Variants in SLC25A12 observed in about 807,000 individuals in gnomAD.
SLC25A12 encodes electrogenic aspartate/glutamate antiporter SLC25A12, mitochondrial.
SLC25A12 carries 32 observed loss-of-function variants against 83.3 expected under a neutral mutation model. The ratio of observed to expected loss-of-function variants is 0.38; its 90% CI spans 0.29 to 0.52. The LOEUF (loss-of-function observed/expected upper bound fraction) is 0.52. Among genes scored for constraint, SLC25A12 ranks in the 20% least tolerant of loss-of-function variants. SLC25A12 has a pLI of 0.84. For synonymous variants in SLC25A12, 267 were observed against 291.1 expected (o/e 0.92, Z 0.84); for missense variants, 611 against 835.6 (o/e 0.73, Z 3.31).
intron 5 of SLC25A12, 96 bp downstream of exon 5, chr2:171,844,273 G>A (rs1684746065): frequency 1.6e-5 from 22 of 1,339,390 alleles, no homozygotes; most frequent in Non-Finnish European, 2.1e-5. Flanking sequence ...GAAATACCAT[G>A]GAGAACTTCT....
intron 15 of SLC25A12, 96 bp downstream of exon 15, chr2:171,791,355 T>C: frequency 9.3e-7 from 1 of 1,080,606 alleles, no homozygotes; most frequent in South Asian, 1.3e-5. Flanking sequence ...GTACAAACAA[T>C]AATACTTCCA....
At chr2:171,791,024 A>T (rs953397755) in intron 15 of SLC25A12, among the ~76,000 whole-genome samples, 1 of 152,160 alleles carries the variant, frequency 6.6e-6, no homozygotes, top group Admixed American at 6.5e-5. Context: ...CGGCCAAATC[A>T]TGTAGATTCC....
chr2:171,841,126 C>G (rs1558927264), intron 5 of SLC25A12, among the ~76,000 whole-genome samples: 1 of 152,234 alleles, frequency 6.6e-6, no homozygotes. Flanking sequence ...GTCGCCCAGG[C>G]TGGAGTGCAG....
intron 2 of SLC25A12, among the ~76,000 whole-genome samples, chr2:171,874,469 G>C (rs1341429204): frequency 6.6e-6 from 1 of 152,208 alleles, no homozygotes; most frequent in African/African-American, 2.4e-5. Flanking sequence ...ACAACTGCTT[G>C]TGTTGCTTCT....
At chr2:171,860,689 G>A (rs1226487990) in intron 3 of SLC25A12, among the ~76,000 whole-genome samples, 1 of 151,936 alleles carries the variant, frequency 6.6e-6, no homozygotes, top group Non-Finnish European at 1.5e-5. Flanking sequence ...CTATATCAAT[G>A]GCTGCACTTT....
At chr2:171,851,508 A>G (rs959602714) in intron 4 of SLC25A12, among the ~76,000 whole-genome samples, 1 of 144,824 alleles carries the variant, frequency 6.9e-6, no homozygotes. Flanking sequence ...AAAAAAAAAA[A>G]AAGGATTAAA....
chr2:171,844,307 T>C lies in SLC25A12; in HGVS notation c.465+62A>G, dbSNP rs530384431. On this transcript the variant is annotated intron_variant, in intron 5 of 17. Coordinates refer to ENST00000422440, the MANE Select transcript of SLC25A12 (RefSeq NM_003705.5). ...CTATTTTTGTAATAAACTTAATAAA[T>C]ACAAAGCGAAGGACACAGAAGAATA... 23 of 1,543,494 alleles carry C rather than the reference T, an allele frequency of 1.5e-5. No homozygotes were observed. The East Asian group carries it at 3.4e-4, about 23-fold the overall frequency.
intron 5 of SLC25A12, among the ~76,000 whole-genome samples, chr2:171,840,340 C>T: frequency 6.6e-6 from 1 of 151,662 alleles, no homozygotes. Context: ...GAGCCATGAT[C>T]CTGTCACTGC....
chr2:171,796,919 G>T (rs1186775811), intron 13 of SLC25A12, among the ~76,000 whole-genome samples: 4 of 152,152 alleles, frequency 2.6e-5, no homozygotes, highest in Admixed American at 2.6e-4. Flanking sequence ...GGATAGGGAA[G>T]GGGGAGTAAA....
chr2:171,840,972 C>G (rs981902984), intron 5 of SLC25A12, among the ~76,000 whole-genome samples: 1 of 152,168 alleles, frequency 6.6e-6, no homozygotes, highest in Non-Finnish European at 1.5e-5. Flanking sequence ...AACTAGAAAA[C>G]AAAAGAGCAA....
At chr2:171,811,977 A>G (rs2105861306) in intron 11 of SLC25A12, among the ~76,000 whole-genome samples, 1 of 152,330 alleles carries the variant, frequency 6.6e-6, no homozygotes, top group South Asian at 2.1e-4. Flanking sequence ...CATTAAATAA[A>G]ATCTGGATAT....
chr2:171,800,913 A>G (rs1403337847), intron 13 of SLC25A12, among the ~76,000 whole-genome samples: 2 of 152,208 alleles, frequency 1.3e-5, no homozygotes, highest in Non-Finnish European at 2.9e-5. Flanking sequence ...AACTTCAGAC[A>G]GAAATCAGAA....
At chr2:171,891,073 G>T (rs1685923919) in intron 2 of SLC25A12, among the ~76,000 whole-genome samples, 3 of 152,228 alleles carry the variant, frequency 2.0e-5, no homozygotes, top group Admixed American at 1.3e-4. Flanking sequence ...TTGGGAGGCT[G>T]AGGCACACAG....
At chr2:171,802,814 A>C (rs914660472) in intron 13 of SLC25A12, among the ~76,000 whole-genome samples, 5 of 152,248 alleles carry the variant, frequency 3.3e-5, no homozygotes, top group Middle Eastern at 3.4e-3. Context: ...GAAAATGCAC[A>C]ATCTGTTTAT....
At chr2:171,845,870 C>G (rs1304864925) in intron 4 of SLC25A12, 1 of 452,920 alleles carries the variant, frequency 2.2e-6, no homozygotes, top group Admixed American at 2.4e-5. Flanking sequence ...TAAGTAGGGA[C>G]AAATACTTCA....
At chr2:171,789,605 C>T (rs1053607423) in intron 15 of SLC25A12, among the ~76,000 whole-genome samples, 82 of 152,246 alleles carry the variant, frequency 5.4e-4, no homozygotes, top group African/African-American at 1.9e-3. Flanking sequence ...TGCACCAACA[C>T]TCCGAAAAGA....
intron 13 of SLC25A12, among the ~76,000 whole-genome samples, chr2:171,803,311 C>A (rs1465890838): frequency 9.2e-5 from 14 of 151,874 alleles, no homozygotes. Flanking sequence ...ACACCAAAAG[C>A]ACAAACAACA....
chr2:171,885,435 T>C (rs911122962), intron 2 of SLC25A12, among the ~76,000 whole-genome samples: 1 of 151,632 alleles, frequency 6.6e-6, no homozygotes, highest in Non-Finnish European at 1.5e-5. Context: ...ATCCCAACAC[T>C]TTGGGAGGCT....
chr2:171,843,342 A>G (rs1399928318), intron 5 of SLC25A12, among the ~76,000 whole-genome samples: 1 of 152,154 alleles, frequency 6.6e-6, no homozygotes, highest in African/African-American at 2.4e-5. Flanking sequence ...CTCTAAGAAC[A>G]ATAACTTTAG....
Sources: gnomAD v4.1 joint callset for allele counts (sites outside exome capture counted in the v4.1 genomes callset) on GRCh38, gnomAD v4.1.1 for gene constraint, MANE v1.5 for transcripts, NCBI Gene and HGNC (gene_info 2026-07-23, HGNC 2026-07-21) for gene names.